The following ZNF804B variants were observed in gnomAD, a reference collection of about 807,000 sequenced individuals.
ZNF804B encodes zinc finger protein 804B.
ZNF804B carries 80 observed loss-of-function variants against 101.4 expected under a neutral mutation model. That is an observed-to-expected ratio of 0.79 (90% confidence interval 0.66 to 0.95). The LOEUF (loss-of-function observed/expected upper bound fraction) is 0.95, where lower values mean the gene tolerates loss of function less well. ZNF804B is among the 40% of genes least tolerant of loss of function. ZNF804B has a pLI of 0.00. For synonymous variants in ZNF804B, 622 were observed against 558.8 expected (o/e 1.11, Z -1.59); for missense variants, 1,673 against 1,561.9 (o/e 1.07, Z -1.20).
chr7:88,776,581 T>TTTC (rs1358606049), intron 1 of ZNF804B, among the ~76,000 whole-genome samples: 8 of 147,722 alleles, frequency 5.4e-5, no homozygotes, highest in African/African-American at 2.0e-4. Context: ...TTTTTTTTTT[T>TTTC]CAGAGCAAAT....
intron 2 of ZNF804B, among the ~76,000 whole-genome samples, chr7:89,324,184 G>C (rs910291795): frequency 1.3e-5 from 2 of 150,976 alleles, no homozygotes; most frequent in African/African-American, 5.0e-5. Flanking sequence ...ATAGCAAGAC[G>C]TTGAAATATT....
At chr7:88,960,968 C>T (rs1282558241) in intron 1 of ZNF804B, among the ~76,000 whole-genome samples, 1 of 151,288 alleles carries the variant, frequency 6.6e-6, no homozygotes, top group Non-Finnish European at 1.5e-5. Flanking sequence ...GACAAATAAC[C>T]TTGGATAATT....
rs571428079 is a variant in ZNF804B at position 89,230,916 on chromosome 7, T to G, written c.249+12621T>G. Among the ~76,000 whole-genome samples, 3 of 152,210 alleles carry G rather than the reference T, an allele frequency of 2.0e-5. No individual in the cohort carries two copies. The South Asian group carries it at 6.2e-4, about 32-fold the overall frequency. On this transcript the variant is annotated intron_variant, in intron 2 of 3. Coordinates refer to ENST00000333190, the MANE Select transcript of ZNF804B (RefSeq NM_181646.5). ...TTTGGTGAAGTTTCTATTCACAAATTGTGCTAATTTTTCTAACTTGGTTGC... is the reference window on the plus strand; with the variant it reads ...TTTGGTGAAGTTTCTATTCACAAATGGTGCTAATTTTTCTAACTTGGTTGC...
chr7:88,977,389 A>G (rs902069688), intron 1 of ZNF804B, among the ~76,000 whole-genome samples: 1 of 150,986 alleles, frequency 6.6e-6, no homozygotes, highest in African/African-American at 2.4e-5. Context: ...TTTTTCTTTG[A>G]TGGTAGACTT....
intron 1 of ZNF804B, among the ~76,000 whole-genome samples, chr7:88,795,463 A>T (rs941758383): frequency 6.6e-6 from 1 of 152,134 alleles, no homozygotes; most frequent in Non-Finnish European, 1.5e-5. Context: ...TTTCAAGGGA[A>T]AAGTTTTGGT....
chr7:88,864,760 T>C (rs1008619482), intron 1 of ZNF804B, among the ~76,000 whole-genome samples: 6 of 152,176 alleles, frequency 3.9e-5, no homozygotes, highest in African/African-American at 1.4e-4. Context: ...TCTCAGGCAG[T>C]TGGTCAACAG....
intron 1 of ZNF804B, among the ~76,000 whole-genome samples, chr7:89,009,708 T>C (rs1328211642): frequency 6.6e-6 from 1 of 152,210 alleles, no homozygotes; most frequent in East Asian, 1.9e-4. Context: ...AGGGAGAAGA[T>C]GCTGTTTATG....
At chr7:89,268,312 C>T (rs1236731948) in intron 2 of ZNF804B, among the ~76,000 whole-genome samples, 3 of 152,066 alleles carry the variant, frequency 2.0e-5, no homozygotes, top group Non-Finnish European at 4.4e-5. Flanking sequence ...TCATATTCAA[C>T]GATTTTAACA....
intron 1 of ZNF804B, among the ~76,000 whole-genome samples, chr7:89,136,097 T>A (rs2116386311): frequency 6.6e-6 from 1 of 152,264 alleles, no homozygotes; most frequent in African/African-American, 2.4e-5. Context: ...GCTGTAGATA[T>A]AATGTTGATT....
chr7:89,069,192 C>T (rs1789498860), intron 1 of ZNF804B, among the ~76,000 whole-genome samples: 1 of 152,172 alleles, frequency 6.6e-6, no homozygotes, highest in South Asian at 2.1e-4. Context: ...GCCTACCTGT[C>T]ATAATTACTG....
chr7:89,283,771 A>G (rs910614668), intron 2 of ZNF804B, among the ~76,000 whole-genome samples: 8 of 152,076 alleles, frequency 5.3e-5, no homozygotes, highest in African/African-American at 1.9e-4. Flanking sequence ...CTATATATAC[A>G]TACATATACA....
chr7:88,779,070 C>T (rs1790186861), intron 1 of ZNF804B, among the ~76,000 whole-genome samples: 1 of 152,072 alleles, frequency 6.6e-6, no homozygotes, highest in Non-Finnish European at 1.5e-5. Context: ...TTCCCTGATT[C>T]TGAGATATAA....
At chr7:89,156,065 T>C (rs376183958) in intron 1 of ZNF804B, among the ~76,000 whole-genome samples, 8,506 of 80,610 alleles carry the variant, frequency 0.11, 476 homozygotes, top group Middle Eastern at 0.19. Flanking sequence ...TCTTTCTTTC[T>C]TTCTTTCTCT....
intron 1 of ZNF804B, among the ~76,000 whole-genome samples, chr7:88,765,831 G>A (rs1433109886): frequency 6.6e-6 from 1 of 152,098 alleles, no homozygotes; most frequent in Non-Finnish European, 1.5e-5. Flanking sequence ...TCAAGAAAAA[G>A]TGTAGTTATA....
intron 1 of ZNF804B, among the ~76,000 whole-genome samples, chr7:89,149,297 CTT>C (rs1790835661): frequency 6.6e-6 from 1 of 152,034 alleles, no homozygotes; most frequent in Admixed American, 6.6e-5. Context: ...CTTGTCTTGT[CTT>C]TGCAAGTAGG....
chr7:89,247,877 AG>A (rs1251457559), intron 2 of ZNF804B, among the ~76,000 whole-genome samples: 2 of 152,316 alleles, frequency 1.3e-5, no homozygotes, highest in South Asian at 4.1e-4. Flanking sequence ...AGGAAAGGAA[AG>A]AAGAGATAAG....
chr7:89,036,880 T>C (rs1788938086), intron 1 of ZNF804B, among the ~76,000 whole-genome samples: 1 of 152,102 alleles, frequency 6.6e-6, no homozygotes. Flanking sequence ...TATGCTTAAA[T>C]TGTCAGACAA....
At chr7:89,242,876 C>G (rs918872865) in intron 2 of ZNF804B, among the ~76,000 whole-genome samples, 1 of 151,724 alleles carries the variant, frequency 6.6e-6, no homozygotes, top group African/African-American at 2.4e-5. Context: ...GTTTTACTTA[C>G]CAATTAAATC....
chr7:88,881,631 C>T (rs1177370162), intron 1 of ZNF804B, among the ~76,000 whole-genome samples: 1 of 152,138 alleles, frequency 6.6e-6, no homozygotes, highest in Non-Finnish European at 1.5e-5. Context: ...ACAAATCCAT[C>T]CCATTGTTTG....
Sources: gnomAD v4.1 joint callset for allele counts (sites outside exome capture counted in the v4.1 genomes callset) on GRCh38, gnomAD v4.1.1 for gene constraint, MANE v1.5 for transcripts, NCBI Gene and HGNC (gene_info 2026-07-23, HGNC 2026-07-21) for gene names.